Variants in IL1RAPL2 observed in about 807,000 individuals in gnomAD.
IL1RAPL2 encodes X-linked interleukin-1 receptor accessory protein-like 2.
A neutral mutation model predicts 44.1 loss-of-function variants in IL1RAPL2; 3 were observed. The ratio of observed to expected loss-of-function variants is 0.07; its 90% CI spans 0.03 to 0.18. The LOEUF (loss-of-function observed/expected upper bound fraction) is 0.18, where lower values mean the gene tolerates loss of function less well. Ranked by LOEUF, IL1RAPL2 falls within the 10% of genes least tolerant of loss-of-function variation. IL1RAPL2 has a pLI of 1.00. For synonymous variants in IL1RAPL2, 181 were observed against 178.8 expected, an observed-to-expected ratio of 1.01 and a Z score of -0.10; for missense variants, 391 against 496.4, an observed-to-expected ratio of 0.79 and a Z score of 2.02.
chrX:105,387,455 G>A (rs1435909718), intron 5 of IL1RAPL2, among the ~76,000 whole-genome samples: 4 of 109,728 alleles, frequency 3.6e-5, no homozygotes, highest in Non-Finnish European at 7.6e-5. Context: ...GGCTGGTCTC[G>A]AACTCTTGAC....
At chrX:104,744,582 T>A (rs1174414218) in intron 2 of IL1RAPL2, among the ~76,000 whole-genome samples, 1 of 111,540 alleles carries the variant, frequency 9.0e-6, no homozygotes, top group Non-Finnish European at 1.9e-5. Context: ...CAACAAATAT[T>A]TATAGAGAGG....
At chrX:105,653,728 A>G (rs1005170842) in intron 6 of IL1RAPL2, among the ~76,000 whole-genome samples, 2 of 111,556 alleles carry the variant, frequency 1.8e-5, no homozygotes, top group African/African-American at 3.3e-5. Flanking sequence ...TTGAAGGTAT[A>G]TCTTTAAAAT....
intron 5 of IL1RAPL2, among the ~76,000 whole-genome samples, chrX:105,482,022 A>G (rs955503404): frequency 8.9e-6 from 1 of 112,316 alleles, no homozygotes; most frequent in Admixed American, 9.5e-5. Context: ...TATGTTTTAT[A>G]CTCAAAATAG....
intron 6 of IL1RAPL2, among the ~76,000 whole-genome samples, chrX:105,580,362 GTTTT>G (rs149950677): frequency 1.2e-5 from 1 of 84,649 alleles, no homozygotes; most frequent in Non-Finnish European, 2.3e-5. Context: ...AACCCCCCGT[GTTTT>G]TTTTTTTTTT....
chrX:105,578,725 TA>T (rs2037068412), intron 6 of IL1RAPL2, among the ~76,000 whole-genome samples: 1 of 111,631 alleles, frequency 9.0e-6, no homozygotes, highest in Non-Finnish European at 1.9e-5. Context: ...GTAGGATTAA[TA>T]AGATACACTG....
intron 2 of IL1RAPL2, among the ~76,000 whole-genome samples, chrX:104,859,890 A>G (rs373968531): frequency 8.9e-6 from 1 of 111,845 alleles, no homozygotes; most frequent in African/African-American, 3.2e-5. Flanking sequence ...ATAGAGTTCA[A>G]TTTTACAGTC....
chrX:105,284,888 T>C (rs1603047581), intron 5 of IL1RAPL2, among the ~76,000 whole-genome samples: 1 of 111,578 alleles, frequency 9.0e-6, no homozygotes, highest in East Asian at 2.8e-4. Flanking sequence ...TAACGTTAGA[T>C]AGAGAAAGTA....
At chrX:105,513,951 G>T (rs1442205921) in intron 6 of IL1RAPL2, among the ~76,000 whole-genome samples, 1 of 111,095 alleles carries the variant, frequency 9.0e-6, no homozygotes, top group Non-Finnish European at 1.9e-5. Context: ...TTCGTACAAG[G>T]TGTAATGAAG....
intron 2 of IL1RAPL2, among the ~76,000 whole-genome samples, chrX:105,089,362 CAT>C (rs958648386): frequency 6.3e-5 from 7 of 111,420 alleles, no homozygotes; most frequent in Non-Finnish European, 1.1e-4. Context: ...AACTTTCCAA[CAT>C]GTGTGCATAT....
intron 1 of IL1RAPL2, among the ~76,000 whole-genome samples, chrX:104,640,679 G>C (rs1169540784): frequency 8.9e-6 from 1 of 112,050 alleles, no homozygotes; most frequent in Admixed American, 9.5e-5. Flanking sequence ...ATGTATCTAT[G>C]ATGCTGGTTG....
intron 6 of IL1RAPL2, among the ~76,000 whole-genome samples, chrX:105,699,388 C>G (rs1181084450): frequency 9.0e-6 from 1 of 111,619 alleles, no homozygotes; most frequent in Admixed American, 9.5e-5. Flanking sequence ...AATTACTCTT[C>G]CATGCTCTAG....
chrX:104,885,691 T>G (rs1923217815), intron 2 of IL1RAPL2, among the ~76,000 whole-genome samples: 1 of 112,119 alleles, frequency 8.9e-6, no homozygotes, highest in Admixed American at 9.4e-5. Context: ...GGCCATAGCC[T>G]TAGTCATGGC....
chrX:105,149,820 C>A (rs1269439618), intron 2 of IL1RAPL2, among the ~76,000 whole-genome samples: 1 of 108,311 alleles, frequency 9.2e-6, no homozygotes, highest in Non-Finnish European at 1.9e-5. Flanking sequence ...GGTGACAGAG[C>A]GAGACTCCAT....
At chrX:105,127,724 A>G (rs2147575686) in intron 2 of IL1RAPL2, among the ~76,000 whole-genome samples, 1 of 111,200 alleles carries the variant, frequency 9.0e-6, no homozygotes, top group South Asian at 3.7e-4. Flanking sequence ...AACCTTGCCA[A>G]ATAAGTTGTA....
intron 7 of IL1RAPL2, among the ~76,000 whole-genome samples, chrX:105,722,360 T>C (rs1177151997): frequency 8.9e-6 from 1 of 111,884 alleles, no homozygotes; most frequent in African/African-American, 3.3e-5. Context: ...TGGAAGCTTG[T>C]GTGGTTTCTA....
At chrX:104,765,205 A>G (rs1932534921) in intron 2 of IL1RAPL2, among the ~76,000 whole-genome samples, 1 of 110,623 alleles carries the variant, frequency 9.0e-6, no homozygotes, top group Non-Finnish European at 1.9e-5. Flanking sequence ...TTTGTTTTTT[A>G]CTGGGAGACT....
At chrX:104,794,422 T>C (rs75856962) in intron 2 of IL1RAPL2, among the ~76,000 whole-genome samples, 1 of 111,458 alleles carries the variant, frequency 9.0e-6, no homozygotes, top group Non-Finnish European at 1.9e-5. Flanking sequence ...ATTTTTTTTT[T>C]CTACCAGTTT....
chrX:105,743,047 T>C (rs915747892), intron 8 of IL1RAPL2, among the ~76,000 whole-genome samples: 7 of 111,467 alleles, frequency 6.3e-5, no homozygotes, highest in African/African-American at 2.3e-4. Context: ...CTGAACACTT[T>C]TCCCACCTTC....
At chrX:104,710,980 G>A (rs1363686029) in intron 2 of IL1RAPL2, among the ~76,000 whole-genome samples, 4 of 111,453 alleles carry the variant, frequency 3.6e-5, no homozygotes, top group Non-Finnish European at 7.6e-5. Context: ...ATAAAAAAAA[G>A]TCAACTGTAA....
Sources: allele counts gnomAD v4.1 joint callset (sites outside exome capture counted in the v4.1 genomes callset), GRCh38; gene constraint gnomAD v4.1.1; transcripts MANE v1.5; gene names NCBI Gene and HGNC (gene_info 2026-07-23, HGNC 2026-07-21).